The following ZDHHC13 variants were observed in gnomAD, a reference collection of about 807,000 sequenced individuals.
ZDHHC13 encodes palmitoyltransferase ZDHHC13.
A neutral mutation model predicts 86.0 loss-of-function variants in ZDHHC13; 85 were observed. The ratio of observed to expected loss-of-function variants is 0.99; its 90% CI spans 0.83 to 1.18. The LOEUF is 1.18. Among genes scored for constraint, ZDHHC13 ranks in the 50% most tolerant of loss-of-function variants. The pLI, the probability that ZDHHC13 is intolerant of heterozygous loss-of-function variation, is 0.00. For missense variants in ZDHHC13, 711 were observed against 730.2 expected (o/e 0.97, Z 0.30); for synonymous variants, 263 against 246.4 (o/e 1.07, Z -0.63).
At chr11:19,154,076 T>G (rs1331839702) in intron 8 of ZDHHC13, among the ~76,000 whole-genome samples, 1 of 152,168 alleles carries the variant, frequency 6.6e-6, no homozygotes, top group Non-Finnish European at 1.5e-5. Flanking sequence ...AAAAGCAAAG[T>G]CTTTATGATG....
At chr11:19,142,796 G>C (rs1000128709) in intron 1 of ZDHHC13, among the ~76,000 whole-genome samples, 182 bp from the exon 2 acceptor site, 1 of 151,318 alleles carries the variant, frequency 6.6e-6, no homozygotes, top group African/African-American at 2.4e-5. Context: ...ATGCAATGGT[G>C]TGATCTCAGC....
Position 19,152,556 on chromosome 11 carries a change from A to G in ZDHHC13, c.748-3A>G. 2 of 1,596,274 alleles carry G rather than the reference A, an allele frequency of 1.3e-6. No homozygotes were observed. The highest frequency in any genetic ancestry group is 1.7e-6 in the Non-Finnish European group (2 of 1,174,202). On this transcript the variant is annotated splice_polypyrimidine_tract_variant and splice_region_variant and intron_variant, in intron 7 of 16. Transcript: ENST00000446113. ...TAAACTTTTTACCCTACTCTTTTTT[A>G]AGGGAGAAACACCTCTTGATATGGC... is the stretch of plus-strand genomic sequence containing the variant.
At chr11:19,136,821 G>C (rs1296628313) in intron 1 of ZDHHC13, among the ~76,000 whole-genome samples, 1 of 151,698 alleles carries the variant, frequency 6.6e-6, no homozygotes, top group Non-Finnish European at 1.5e-5. Flanking sequence ...GCCAAACTAA[G>C]CTTCATAAGT....
intron 1 of ZDHHC13, among the ~76,000 whole-genome samples, chr11:19,132,678 C>T (rs1849027790): frequency 6.6e-6 from 1 of 152,086 alleles, no homozygotes; most frequent in South Asian, 2.1e-4. Context: ...CTGCTGGGCT[C>T]TAAAACAAAG....
chr11:19,137,000 T>C (rs1849160798), intron 1 of ZDHHC13, among the ~76,000 whole-genome samples: 1 of 149,402 alleles, frequency 6.7e-6, no homozygotes. Flanking sequence ...AGGAAGAAAC[T>C]GCATGAACTA....
intron 8 of ZDHHC13, among the ~76,000 whole-genome samples, chr11:19,155,571 A>G (rs922712444): frequency 6.7e-6 from 1 of 149,992 alleles, no homozygotes; most frequent in Non-Finnish European, 1.5e-5. Flanking sequence ...ACAAGAATGA[A>G]ACTTCATCTC....
At chr11:19,133,312 A>G (rs935341105) in intron 1 of ZDHHC13, among the ~76,000 whole-genome samples, 1 of 151,996 alleles carries the variant, frequency 6.6e-6, no homozygotes, top group Non-Finnish European at 1.5e-5. Context: ...TTCAAAGCCA[A>G]CAGTTCCACT....
intron 1 of ZDHHC13, among the ~76,000 whole-genome samples, chr11:19,142,610 A>C (rs573327828): frequency 3.2e-4 from 49 of 152,328 alleles, no homozygotes; most frequent in Admixed American, 7.2e-4. Context: ...AACAAGGTCC[A>C]TTTGTGCCTT....
intron 10 of ZDHHC13, among the ~76,000 whole-genome samples, chr11:19,161,579 G>C (rs1849911825): frequency 6.6e-6 from 1 of 151,792 alleles, no homozygotes; most frequent in Non-Finnish European, 1.5e-5. Context: ...GTAATGTCTG[G>C]CTTGTGCGAG....
At position 19,164,288 on chromosome 11, in the gene ZDHHC13, T is replaced by A; in HGVS notation, c.1234-13T>A. On this transcript the variant is annotated splice_polypyrimidine_tract_variant and intron_variant, in intron 11 of 16. Transcript: ENST00000446113. Reference sequence around the variant, plus strand: ...ATAAAATGTGGTAATAGGTCAAACTTCATGTCTTTCAGAATATCATCACCC... The same window carrying A: ...ATAAAATGTGGTAATAGGTCAAACTACATGTCTTTCAGAATATCATCACCC... 2 of 1,612,604 alleles carry A rather than the reference T, an allele frequency of 1.2e-6. No homozygotes were observed. Among genetic ancestry groups the A allele is most frequent in the Non-Finnish European group, 1.7e-6 (2 of 1,179,298 alleles).
At chr11:19,164,809 C>G (rs1850012820) in intron 12 of ZDHHC13, 2 of 504,074 alleles carry the variant, frequency 4.0e-6, no homozygotes, top group Admixed American at 3.5e-5. Context: ...GTGGTACTGC[C>G]TCATTTCTGC....
At chr11:19,126,514 T>TC (rs1242088991) in intron 1 of ZDHHC13, among the ~76,000 whole-genome samples, 3 of 144,890 alleles carry the variant, frequency 2.1e-5, no homozygotes, top group Non-Finnish European at 4.6e-5. Flanking sequence ...TTTTTTTTTT[T>TC]TTTTTTTTTT....
At chr11:19,150,617 A>G in intron 5 of ZDHHC13, 110 bp from the exon 6 acceptor site, 1 of 890,682 alleles carries the variant, frequency 1.1e-6, no homozygotes, top group Non-Finnish European at 1.7e-6. Flanking sequence ...TGAGCCCTTT[A>G]TGTAGAAATA....
intron 11 of ZDHHC13, 147 bp downstream of exon 11, chr11:19,163,574 G>GT: frequency 1.2e-6 from 1 of 860,906 alleles, no homozygotes; most frequent in Non-Finnish European, 1.6e-6. Flanking sequence ...CACTCTTACA[G>GT]TTTTTTCATT....
intron 1 of ZDHHC13, among the ~76,000 whole-genome samples, chr11:19,138,099 C>T (rs1185433543): frequency 2.0e-5 from 3 of 151,610 alleles, no homozygotes; most frequent in Non-Finnish European, 1.5e-5. Flanking sequence ...CAAAAAAACC[C>T]TTCAAAAAAT....
At chr11:19,123,060 A>G (rs923648130) in intron 1 of ZDHHC13, among the ~76,000 whole-genome samples, 1 of 152,204 alleles carries the variant, frequency 6.6e-6, no homozygotes, top group African/African-American at 2.4e-5. Context: ...TGTCTCTGAC[A>G]TATCTCCCTT....
chr11:19,147,202 T>A (rs553642160), intron 3 of ZDHHC13, among the ~76,000 whole-genome samples: 3 of 152,310 alleles, frequency 2.0e-5, no homozygotes, highest in African/African-American at 7.2e-5. Flanking sequence ...ATTCTACTTT[T>A]AAACTGTTGA....
Position 19,117,594 on chromosome 11 carries a change from C to G in ZDHHC13, c.27+318C>G, listed in dbSNP as rs1413807642. 1 of 341,104 alleles carries G rather than the reference C, an allele frequency of 2.9e-6. No homozygotes were observed. Among genetic ancestry groups the G allele is most frequent in the East Asian group, 4.5e-5 (1 of 22,372 alleles). The allele number at this position is 341,104 out of a possible 1,614,324, so 21.1% of individuals were successfully genotyped here. ...TGTGGGCCTGGGGAGGGGACGATGGCCCTTCCCGGGAGAGGTGTCAGGTGA... is the reference window on the plus strand; with the variant it reads ...TGTGGGCCTGGGGAGGGGACGATGGGCCTTCCCGGGAGAGGTGTCAGGTGA... On this transcript the variant is annotated intron_variant, in intron 1 of 16. Coordinates refer to ENST00000446113, the MANE Select transcript of ZDHHC13 (RefSeq NM_019028.3). The surrounding 1 kb of genome is among the most constrained non-coding windows in gnomAD (Gnocchi z 4.2).
chr11:19,169,472 T>A (rs1394434601), intron 14 of ZDHHC13: 1 of 985,374 alleles, frequency 1.0e-6, no homozygotes, highest in African/African-American at 1.7e-5. Flanking sequence ...AGGAAAGTCA[T>A]AGACTCATTT....
Sources: gnomAD v4.1 joint callset for allele counts (sites outside exome capture counted in the v4.1 genomes callset) on GRCh38, gnomAD v4.1.1 for gene constraint, Gnocchi (gnomAD v3.1) non-coding constraint, MANE v1.5 for transcripts, NCBI Gene and HGNC (gene_info 2026-07-23, HGNC 2026-07-21) for gene names.